SLC35F3: variants seen among roughly 807,000 people sequenced by gnomAD.
The protein encoded by SLC35F3 is putative thiamine transporter SLC35F3.
SLC35F3 carries 25 observed loss-of-function variants against 49.9 expected under a neutral mutation model. The ratio of observed to expected loss-of-function variants is 0.50; its 90% CI spans 0.37 to 0.70. The LOEUF is 0.70. Among genes scored for constraint, SLC35F3 ranks in the 30% least tolerant of loss-of-function variants. SLC35F3 has a pLI of 0.00. For missense variants in SLC35F3, 525 were observed against 639.8 expected, an observed-to-expected ratio of 0.82 and a Z score of 1.94; for synonymous variants, 275 against 265.4, an observed-to-expected ratio of 1.04 and a Z score of -0.35.
At chr1:234,252,928 T>C (rs894605731) in intron 3 of SLC35F3, among the ~76,000 whole-genome samples, 2 of 152,340 alleles carry the variant, frequency 1.3e-5, no homozygotes, top group East Asian at 3.9e-4. Flanking sequence ...GAACATGATA[T>C]CATTACAGCA....
intron 3 of SLC35F3, among the ~76,000 whole-genome samples, chr1:234,268,337 C>T (rs1476041468): frequency 3.6e-5 from 3 of 83,464 alleles, no homozygotes; most frequent in Admixed American, 1.4e-4. Flanking sequence ...CGCCTGCAAT[C>T]GCACGCACTC....
intron 2 of SLC35F3, among the ~76,000 whole-genome samples, chr1:234,059,129 T>C (rs1356581449): frequency 6.6e-6 from 1 of 152,172 alleles, no homozygotes; most frequent in African/African-American, 2.4e-5. Flanking sequence ...GAATAGCTTT[T>C]CGTTTCATCC....
intron 3 of SLC35F3, among the ~76,000 whole-genome samples, chr1:234,269,866 C>A (rs1444742240): frequency 1.3e-5 from 2 of 152,194 alleles, no homozygotes; most frequent in African/African-American, 4.8e-5. Flanking sequence ...GTGATCTCTG[C>A]ACACACTGGC....
At chr1:234,015,531 C>G (rs932357754) in intron 2 of SLC35F3, among the ~76,000 whole-genome samples, 8 of 152,038 alleles carry the variant, frequency 5.3e-5, no homozygotes, top group Admixed American at 5.2e-4. Context: ...TGATTTTCAA[C>G]AAAGGTGCCA....
chr1:233,991,810 G>A (rs1190348397), intron 2 of SLC35F3, among the ~76,000 whole-genome samples: 1 of 152,138 alleles, frequency 6.6e-6, no homozygotes, highest in African/African-American at 2.4e-5. Flanking sequence ...ATCATCATCA[G>A]CATCATCATT....
intron 2 of SLC35F3, among the ~76,000 whole-genome samples, chr1:234,022,709 C>T (rs1005984032): frequency 6.6e-6 from 1 of 152,104 alleles, no homozygotes; most frequent in African/African-American, 2.4e-5. Flanking sequence ...ACATCTCTGG[C>T]TCAGTACATG....
chr1:234,030,391 CA>C (rs1664044396), intron 2 of SLC35F3, among the ~76,000 whole-genome samples: 1 of 152,156 alleles, frequency 6.6e-6, no homozygotes, highest in South Asian at 2.1e-4. Flanking sequence ...GCTCACAGCT[CA>C]TTCAGTACAG....
At chr1:234,069,680 C>T (rs1222305348) in intron 2 of SLC35F3, among the ~76,000 whole-genome samples, 1 of 152,198 alleles carries the variant, frequency 6.6e-6, no homozygotes, top group African/African-American at 2.4e-5. Context: ...CCAGCCTCCC[C>T]CAGGGTCCTC....
intron 2 of SLC35F3, among the ~76,000 whole-genome samples, chr1:233,969,026 A>G (rs1440813532): frequency 1.4e-5 from 2 of 146,340 alleles, no homozygotes; most frequent in Non-Finnish European, 3.0e-5. Flanking sequence ...AGATCCCATT[A>G]TGAGGTACTA....
intron 2 of SLC35F3, among the ~76,000 whole-genome samples, chr1:233,933,698 G>C (rs1407871613): frequency 1.3e-5 from 2 of 152,146 alleles, no homozygotes; most frequent in Admixed American, 1.3e-4. Context: ...TAAGTTAGTT[G>C]GGTGTGGTGA....
intron 2 of SLC35F3, among the ~76,000 whole-genome samples, chr1:233,958,150 ACT>A (rs1662736265): frequency 6.6e-6 from 1 of 151,694 alleles, no homozygotes; most frequent in Non-Finnish European, 1.5e-5. Flanking sequence ...CACACTGAGG[ACT>A]CTCTTCTATT....
At chr1:234,050,076 T>A (rs1354353018) in intron 2 of SLC35F3, among the ~76,000 whole-genome samples, 3 of 152,232 alleles carry the variant, frequency 2.0e-5, no homozygotes, top group Admixed American at 1.3e-4. Context: ...TTTGCTATTG[T>A]GAGTAGTGCC....
intron 2 of SLC35F3, among the ~76,000 whole-genome samples, chr1:234,144,531 G>A (rs775423178): frequency 2.6e-5 from 4 of 152,156 alleles, no homozygotes; most frequent in Non-Finnish European, 5.9e-5. Context: ...TTGTTTTTAG[G>A]TGAGTATTTA....
chr1:234,253,509 CCT>C (rs1667770634), intron 3 of SLC35F3, among the ~76,000 whole-genome samples: 1 of 149,594 alleles, frequency 6.7e-6, no homozygotes, highest in Non-Finnish European at 1.5e-5. Context: ...TCATTTAAAA[CCT>C]CTAGAAGGAT....
At chr1:233,941,970 T>G (rs866256629) in intron 2 of SLC35F3, among the ~76,000 whole-genome samples, 1,376 of 126,056 alleles carry the variant, frequency 0.011, 17 homozygotes, top group African/African-American at 0.045. Flanking sequence ...TTGTTTTTTT[T>G]TTTTTTTTTT....
At chr1:234,018,879 T>G (rs930227965) in intron 2 of SLC35F3, among the ~76,000 whole-genome samples, 1 of 152,228 alleles carries the variant, frequency 6.6e-6, no homozygotes, top group Non-Finnish European at 1.5e-5. Flanking sequence ...TCTAATATAA[T>G]TTTTTGGTTG....
intron 3 of SLC35F3, among the ~76,000 whole-genome samples, chr1:234,298,326 T>C (rs560145): frequency 0.15 from 22,782 of 152,154 alleles, 2,341 homozygotes; most frequent in African/African-American, 0.3. Context: ...AAAAGAACCA[T>C]GTCCAGATCT....
chr1:234,041,723 G>A (rs941014158), intron 2 of SLC35F3, among the ~76,000 whole-genome samples: 9 of 152,260 alleles, frequency 5.9e-5, no homozygotes, highest in Non-Finnish European at 1.5e-5. Context: ...ACTTGAAGGT[G>A]AATGAGATTA....
intron 2 of SLC35F3, among the ~76,000 whole-genome samples, chr1:233,990,605 C>T (rs1663339165): frequency 6.8e-6 from 1 of 146,378 alleles, no homozygotes; most frequent in African/African-American, 2.6e-5. Flanking sequence ...GGGAGTAGAT[C>T]TTAGGTATTC....
Sources: gnomAD v4.1 joint callset for allele counts (sites outside exome capture counted in the v4.1 genomes callset) on GRCh38, gnomAD v4.1.1 for gene constraint, MANE v1.5 for transcripts, NCBI Gene and HGNC (gene_info 2026-07-23, HGNC 2026-07-21) for gene names.